The following ACOXL variants were observed in gnomAD, a reference collection of about 807,000 sequenced individuals.
ACOXL encodes acyl-coenzyme A oxidase-like protein.
A neutral mutation model predicts 71.9 loss-of-function variants in ACOXL; 70 were observed. The observed-to-expected ratio is 0.97, with a 90% CI of 0.80 to 1.19. The LOEUF (loss-of-function observed/expected upper bound fraction) is 1.19. ACOXL is among the 50% of genes most tolerant of loss of function. The pLI, the probability that ACOXL is intolerant of heterozygous loss-of-function variation, is 0.00. For synonymous variants in ACOXL, 253 were observed against 281.6 expected, an observed-to-expected ratio of 0.90 and a Z score of 1.02; for missense variants, 703 against 736.3, an observed-to-expected ratio of 0.95 and a Z score of 0.52.
chr2:110,866,749 G>A (rs994727703), intron 10 of ACOXL, among the ~76,000 whole-genome samples: 1 of 152,032 alleles, frequency 6.6e-6, no homozygotes, highest in Admixed American at 6.5e-5. Flanking sequence ...ACCCGTTCAC[G>A]AAATCACTCA....
intron 11 of ACOXL, among the ~76,000 whole-genome samples, chr2:110,921,826 G>A (rs563070413): frequency 2.6e-5 from 4 of 152,160 alleles, no homozygotes; most frequent in African/African-American, 9.6e-5. Flanking sequence ...TTGACATGTT[G>A]CAATTTCAAT....
intron 10 of ACOXL, among the ~76,000 whole-genome samples, chr2:110,856,323 C>T (rs961132128): frequency 6.6e-6 from 1 of 152,166 alleles, no homozygotes; most frequent in Non-Finnish European, 1.5e-5. Context: ...CCAGGTTACC[C>T]ACCCGTTAGT....
intron 15 of ACOXL, among the ~76,000 whole-genome samples, chr2:111,032,991 T>C (rs1425270330): frequency 6.6e-6 from 1 of 152,204 alleles, no homozygotes; most frequent in Non-Finnish European, 1.5e-5. Flanking sequence ...CACCTTTGGG[T>C]GAGCCTCCTA....
At chr2:110,896,955 C>G (rs2059033681) in intron 10 of ACOXL, among the ~76,000 whole-genome samples, 1 of 152,012 alleles carries the variant, frequency 6.6e-6, no homozygotes, top group Admixed American at 6.6e-5. Flanking sequence ...CCTAACATTA[C>G]CAAGATACAC....
Position 110,908,816 on chromosome 2 carries a change from G to C in ACOXL, c.816G>C (p.Lys272Asn). Reference protein sequence around the residue: ...HSRRQFGPKTKEEVKIIEHQT... With the variant: ...HSRRQFGPKTNEEVKIIEHQT... ...GGAGGCAGTTTGGGCCCAAAACCAA[G>C]GAAGAGGTGAAGATCATTGAGCACC... The change falls in exon 11 of 18, where the codon AAG (lysine) becomes AAC (asparagine). Residue 272 changes from lysine to asparagine, a missense_variant. Physicochemically the swap from Lys to Asn is moderately conservative, Grantham distance 94. Transcript: ENST00000439055. The C allele has an allele frequency of 6.2e-7, 1 of 1,614,118 alleles. No homozygotes were observed. The highest frequency in any genetic ancestry group is 2.2e-5 in the East Asian group (1 of 44,880).
intron 16 of ACOXL, among the ~76,000 whole-genome samples, chr2:111,065,734 G>C (rs1464534718): frequency 6.6e-6 from 1 of 152,212 alleles, no homozygotes; most frequent in African/African-American, 2.4e-5. Flanking sequence ...CATGAGGCTA[G>C]AGACGGCAAA....
chr2:110,995,962 A>G lies in ACOXL; in HGVS notation c.1239A>G (p.Glu413=), dbSNP rs376054645. 1.2e-6 allele frequency: 2 copies of G among 1,607,762 alleles called. No individual in the cohort carries two copies. The highest frequency in any genetic ancestry group is 2.9e-5 in the African/African-American group (2 of 69,410). ...AFLLKAVKFR[E]RVLQRGLVAR... The stretch of plus-strand genomic sequence containing the variant: ...TGTTGAAAGCAGTGAAATTTCGTGA[A>G]AGGGTTCTTCAGCGGGGTTTGGTGG... Residue 413 remains glutamate (E), a synonymous_variant, in exon 14 of 18, where the codon GAA becomes GAG. Coordinates refer to ENST00000439055, the MANE Select transcript of ACOXL (RefSeq NM_001142807.4).
chr2:110,921,513 C>T (rs1348871793), intron 11 of ACOXL, among the ~76,000 whole-genome samples: 1 of 151,580 alleles, frequency 6.6e-6, no homozygotes, highest in East Asian at 2.0e-4. Context: ...CCTGCCTCAG[C>T]CTCCCAAGTA....
chr2:110,966,578 TA>T (rs1198141810), intron 12 of ACOXL, among the ~76,000 whole-genome samples: 2 of 152,214 alleles, frequency 1.3e-5, no homozygotes, highest in Non-Finnish European at 1.5e-5. Context: ...CCTAAACCCC[TA>T]AAGGGGATTT....
chr2:110,735,048 AC>A (rs1269588917), intron 1 of ACOXL, among the ~76,000 whole-genome samples: 1 of 152,174 alleles, frequency 6.6e-6, no homozygotes, highest in Non-Finnish European at 1.5e-5. Context: ...AAATCCCATT[AC>A]CCTGACAAAC....
intron 10 of ACOXL, among the ~76,000 whole-genome samples, chr2:110,859,438 A>G (rs7596265): frequency 0.06 from 9,134 of 152,308 alleles, 348 homozygotes; most frequent in Middle Eastern, 0.085. Context: ...GCCATTAACA[A>G]GAAGGCAAAA....
At chr2:111,095,467 G>C (rs1253300522) in intron 17 of ACOXL, among the ~76,000 whole-genome samples, 1 of 140,884 alleles carries the variant, frequency 7.1e-6, no homozygotes, top group Non-Finnish European at 1.5e-5. Flanking sequence ...TCTCAGCTCA[G>C]TGCCACCTCG....
intron 2 of ACOXL, among the ~76,000 whole-genome samples, chr2:110,768,909 C>A (rs1681493101): frequency 6.6e-6 from 1 of 152,114 alleles, no homozygotes; most frequent in South Asian, 2.1e-4. Context: ...ACAGACAGGT[C>A]TCGGTGGAGG....
At chr2:110,833,631 A>G (rs1261557466) in intron 9 of ACOXL, among the ~76,000 whole-genome samples, 1 of 152,182 alleles carries the variant, frequency 6.6e-6, no homozygotes, top group Non-Finnish European at 1.5e-5. Flanking sequence ...TTAGACCTGC[A>G]TGCGAATCTA....
chr2:110,960,040 G>A (rs1359574532), intron 12 of ACOXL, among the ~76,000 whole-genome samples: 8 of 152,176 alleles, frequency 5.3e-5, no homozygotes, highest in Non-Finnish European at 1.2e-4. Flanking sequence ...AAAGGTGGTG[G>A]GTGAGGCAGC....
intron 1 of ACOXL, among the ~76,000 whole-genome samples, chr2:110,735,349 C>A (rs1315444016): frequency 6.6e-6 from 1 of 152,104 alleles, no homozygotes; most frequent in African/African-American, 2.4e-5. Flanking sequence ...TGTGGCTTGT[C>A]CCCACCTTAC....
At chr2:110,775,319 T>G (rs989936897) in intron 2 of ACOXL, among the ~76,000 whole-genome samples, 3 of 152,206 alleles carry the variant, frequency 2.0e-5, no homozygotes, top group Non-Finnish European at 4.4e-5. Flanking sequence ...GATACATTTT[T>G]GGAATAAAAA....
At chr2:110,989,530 G>T (rs777400183) in intron 13 of ACOXL, among the ~76,000 whole-genome samples, 7 of 152,200 alleles carry the variant, frequency 4.6e-5, no homozygotes, top group Admixed American at 1.3e-4. Flanking sequence ...GATGAATATT[G>T]TAGGATTGTA....
intron 11 of ACOXL, among the ~76,000 whole-genome samples, chr2:110,926,283 C>T (rs2060268167): frequency 6.6e-6 from 1 of 152,334 alleles, no homozygotes; most frequent in South Asian, 2.1e-4. Flanking sequence ...AAGGTTGCCG[C>T]AAGGCCTCAA....
Sources: allele counts gnomAD v4.1 joint callset (sites outside exome capture counted in the v4.1 genomes callset), GRCh38; gene constraint gnomAD v4.1.1; transcripts MANE v1.5; gene names NCBI Gene and HGNC (gene_info 2026-07-23, HGNC 2026-07-21).